Variants in MICAL2 observed in about 807,000 individuals in gnomAD.
The protein encoded by MICAL2 is microtubule associated monooxygenase, calponin and LIM domain containing 2, also known as [F-actin]-monooxygenase MICAL2.
Under a neutral mutation model 127.3 loss-of-function variants are expected in MICAL2, and 77 were observed. The ratio of observed to expected loss-of-function variants is 0.60; its 90% CI spans 0.50 to 0.73. The LOEUF (loss-of-function observed/expected upper bound fraction) is 0.73. MICAL2 is among the 30% of genes least tolerant of loss of function. The pLI, the probability that MICAL2 is intolerant of heterozygous loss-of-function variation, is 0.00. For synonymous variants in MICAL2, 570 were observed against 551.1 expected (o/e 1.03, Z -0.48); for missense variants, 1,351 against 1,434.4 (o/e 0.94, Z 0.94).
At chr11:12,219,450 C>T (rs531631700) in intron 8 of MICAL2, among the ~76,000 whole-genome samples, 5 of 146,152 alleles carry the variant, frequency 3.4e-5, no homozygotes, top group South Asian at 2.2e-4. Context: ...ATTGCTTGAA[C>T]CTGGGAGGCG....
At chr11:12,342,242 G>T (rs969187605) in intron 32 of MICAL2, among the ~76,000 whole-genome samples, 2 of 152,214 alleles carry the variant, frequency 1.3e-5, no homozygotes, top group African/African-American at 4.8e-5. Flanking sequence ...CTAGTCATAA[G>T]AGTCCCAGCC....
At chr11:12,269,308 C>T (rs530795782) in intron 24 of MICAL2, among the ~76,000 whole-genome samples, 16 of 152,244 alleles carry the variant, frequency 1.1e-4, no homozygotes, top group Middle Eastern at 3.4e-3. Context: ...CAGAGGAATG[C>T]GGGTATGGGT....
At chr11:12,313,365 G>T (rs183026477) in intron 29 of MICAL2, among the ~76,000 whole-genome samples, 245 of 151,992 alleles carry the variant, frequency 1.6e-3, no homozygotes, top group African/African-American at 5.6e-3. Context: ...ATGAATAACC[G>T]CGGGGGGAGA....
chr11:12,137,267 C>T (rs1400847334), intron 1 of MICAL2, among the ~76,000 whole-genome samples: 1 of 114,254 alleles, frequency 8.8e-6, no homozygotes, highest in Non-Finnish European at 1.9e-5. Context: ...GCCAGGCTCG[C>T]CCGGTGTGTG....
chr11:12,220,386 G>A lies in MICAL2; in HGVS notation c.1134G>A (p.Glu378=). 6.2e-7 allele frequency: 1 copy of A among 1,614,140 alleles called. No homozygotes were observed. The highest frequency in any genetic ancestry group is 8.5e-7 in the Non-Finnish European group (1 of 1,180,052). The change falls in exon 9 of 28, where the codon GAG becomes GAA. Residue 378 remains glutamate (E), a synonymous_variant. Transcript: ENST00000683283. ...ACTTTACCTGCATGTATGCCTCAGAGAACGCGGCCCTGGTGCGGGAGCGGC... is the reference window on the plus strand; with the variant it reads ...ACTTTACCTGCATGTATGCCTCAGAAAACGCGGCCCTGGTGCGGGAGCGGC... The part of the protein sequence containing the change: ...MFDFTCMYAS[E]NAALVRERQA...
At chr11:12,188,221 G>A (rs1017189180) in intron 3 of MICAL2, among the ~76,000 whole-genome samples, 6 of 152,020 alleles carry the variant, frequency 3.9e-5, no homozygotes, top group Non-Finnish European at 5.9e-5. Flanking sequence ...TATTGATTAC[G>A]TGTTGCAATG....
intron 3 of MICAL2, among the ~76,000 whole-genome samples, chr11:12,193,125 C>G (rs529761638): frequency 2.6e-5 from 4 of 152,296 alleles, no homozygotes; most frequent in African/African-American, 9.6e-5. Flanking sequence ...CTTTGCAGGC[C>G]TGAATTAAAT....
At chr11:12,197,423 G>A (rs1473617902) in intron 3 of MICAL2, 8 of 152,226 alleles carry the variant, frequency 5.3e-5, no homozygotes, top group Non-Finnish European at 1.2e-4. Flanking sequence ...CAGGCAATAA[G>A]CGGTAGCTTT....
chr11:12,213,442 A>G (rs1166326404), intron 7 of MICAL2, 32 bp downstream of exon 7: 2 of 1,598,824 alleles, frequency 1.3e-6, no homozygotes, highest in Non-Finnish European at 1.7e-6. Context: ...CAACCAGGCC[A>G]AGGTCTAAAG....
intron 34 of MICAL2, among the ~76,000 whole-genome samples, chr11:12,356,559 A>G (rs1329963777): frequency 6.6e-6 from 1 of 152,078 alleles, no homozygotes; most frequent in Non-Finnish European, 1.5e-5. Context: ...CTCTGGTGGC[A>G]TCTGCAACTG....
intron 3 of MICAL2, among the ~76,000 whole-genome samples, chr11:12,184,386 G>A (rs1857889781): frequency 6.6e-6 from 1 of 152,148 alleles, no homozygotes; most frequent in Non-Finnish European, 1.5e-5. Flanking sequence ...TCCCAAGAGA[G>A]GGCTCCACTG....
intron 32 of MICAL2, among the ~76,000 whole-genome samples, chr11:12,340,784 T>C (rs1458790014): frequency 6.6e-6 from 1 of 152,240 alleles, no homozygotes; most frequent in Non-Finnish European, 1.5e-5. Context: ...AGAATACATA[T>C]AGTATAATAC....
chr11:12,129,422 T>G (rs1851216801), intron 1 of MICAL2, among the ~76,000 whole-genome samples: 1 of 152,188 alleles, frequency 6.6e-6, no homozygotes, highest in Non-Finnish European at 1.5e-5. Flanking sequence ...TCTGCAGGGT[T>G]GAATAACTTG....
chr11:12,291,366 C>T (rs1192153237), downstream of MICAL2, among the ~76,000 whole-genome samples: 1 of 152,120 alleles, frequency 6.6e-6, no homozygotes, highest in Admixed American at 6.5e-5. Context: ...AGACAGTGCG[C>T]ACATGTGAGC....
At chr11:12,299,315 C>T (rs1565298452) in intron 29 of MICAL2, among the ~76,000 whole-genome samples, 1 of 152,128 alleles carries the variant, frequency 6.6e-6, no homozygotes, top group African/African-American at 2.4e-5. Flanking sequence ...CACACACTCA[C>T]ATATATGCAC....
intron 3 of MICAL2, among the ~76,000 whole-genome samples, chr11:12,187,592 T>A (rs2133994547): frequency 6.6e-6 from 1 of 152,366 alleles, no homozygotes; most frequent in South Asian, 2.1e-4. Context: ...TCACTTGAGA[T>A]GGACTCAGAC....
At chr11:12,187,945 G>GGACCC in intron 3 of MICAL2, among the ~76,000 whole-genome samples, 1 of 152,132 alleles carries the variant, frequency 6.6e-6, no homozygotes, top group Non-Finnish European at 1.5e-5. Flanking sequence ...TGAACTGCTA[G>GGACCC]GACCCCAGAG....
downstream of MICAL2, among the ~76,000 whole-genome samples, chr11:12,268,757 A>G (rs1246442982): frequency 6.6e-6 from 1 of 152,112 alleles, no homozygotes; most frequent in South Asian, 2.1e-4. Flanking sequence ...TTGGGAGGCC[A>G]AGGTGGGCGG....
chr11:12,221,879 C>A, intron 10 of MICAL2, 120 bp downstream of exon 10: 1 of 689,700 alleles, frequency 1.4e-6, no homozygotes, highest in Non-Finnish European at 2.4e-6. Flanking sequence ...TCCATTCTAC[C>A]TTCCCATGTG....
Sources: gnomAD v4.1 joint callset for allele counts (sites outside exome capture counted in the v4.1 genomes callset) on GRCh38, gnomAD v4.1.1 for gene constraint, MANE v1.5 for transcripts, NCBI Gene and HGNC (gene_info 2026-07-23, HGNC 2026-07-21) for gene names.